The following TPCN1 variants were observed in gnomAD, a reference collection of about 807,000 sequenced individuals.
TPCN1 encodes two pore channel protein 1.
A neutral mutation model predicts 108.8 loss-of-function variants in TPCN1; 52 were observed. The ratio of observed to expected loss-of-function variants is 0.48; its 90% CI spans 0.38 to 0.60. The LOEUF (loss-of-function observed/expected upper bound fraction) is 0.60, where lower values mean the gene tolerates loss of function less well. TPCN1 is among the 20% of genes least tolerant of loss of function. The probability of loss-of-function intolerance (pLI) is 0.00; values close to 1 mark genes in which losing one functional copy is unlikely to be tolerated. For missense variants in TPCN1, 806 were observed against 1,072.8 expected (o/e 0.75, Z 3.47); for synonymous variants, 446 against 433.7 (o/e 1.03, Z -0.35).
intron 2 of TPCN1, among the ~76,000 whole-genome samples, chr12:113,240,068 G>C (rs1449858953): frequency 1.3e-5 from 2 of 152,060 alleles, no homozygotes; most frequent in Non-Finnish European, 2.9e-5. Context: ...TTCACACTTG[G>C]CTGGCCTGCC....
chr12:113,223,228 C>T (rs866508839), intron 1 of TPCN1, among the ~76,000 whole-genome samples: 20 of 152,310 alleles, frequency 1.3e-4, no homozygotes, highest in Middle Eastern at 6.8e-3. Context: ...CTTTCGCTGC[C>T]TTGTTTCAAA....
chr12:113,277,059 G>C, intron 11 of TPCN1, 24 bp downstream of exon 11: 1 of 1,605,280 alleles, frequency 6.2e-7, no homozygotes, highest in Non-Finnish European at 8.5e-7. Flanking sequence ...GCCAGGGAGG[G>C]GCTTGGTCCC....
At chr12:113,262,984 T>A (rs1955100871) in intron 3 of TPCN1, among the ~76,000 whole-genome samples, 1 of 152,220 alleles carries the variant, frequency 6.6e-6, no homozygotes, top group African/African-American at 2.4e-5. Context: ...ATGGGCCATG[T>A]ACTTGTGGGA....
At chr12:113,230,036 G>T (rs188350192) in intron 2 of TPCN1, among the ~76,000 whole-genome samples, 123 of 152,304 alleles carry the variant, frequency 8.1e-4, no homozygotes, top group East Asian at 1.3e-3. Flanking sequence ...TTGCTGGCAA[G>T]TCAGTCTAGA....
At position 113,273,788 on chromosome 12, in the gene TPCN1, A is replaced by T; in HGVS notation, c.942+120A>T. Reference sequence around the variant, plus strand: ...GCCTCTCAGGGCAGAACGTTGGGGCAGGAAGTCCCAGATTCATAGTCAGGT... The same window carrying T: ...GCCTCTCAGGGCAGAACGTTGGGGCTGGAAGTCCCAGATTCATAGTCAGGT... On this transcript the variant is annotated intron_variant, in intron 10 of 27. Transcript: ENST00000335509. This position sits in a 1 kb window ranked among gnomAD's most constrained non-coding sequence, Gnocchi z 4.0. 1 of 849,038 alleles carries T rather than the reference A, an allele frequency of 1.2e-6. No individual in the cohort carries two copies. The highest frequency in any genetic ancestry group is 2.0e-6 in the Non-Finnish European group (1 of 499,638). The allele number at this position is 849,038 out of a possible 1,614,324, so 52.6% of individuals were successfully genotyped here. A position where few individuals can be genotyped will look rare whatever the true frequency, so the allele number is the denominator to read the frequency against.
intron 7 of TPCN1, among the ~76,000 whole-genome samples, chr12:113,271,763 C>T (rs766590221): frequency 5.3e-5 from 8 of 152,230 alleles, no homozygotes; most frequent in Non-Finnish European, 8.8e-5. Flanking sequence ...TTCCCAAAGG[C>T]GCTTGCCTGG....
intron 2 of TPCN1, among the ~76,000 whole-genome samples, chr12:113,234,317 G>C (rs1432993131): frequency 2.0e-5 from 3 of 152,204 alleles, no homozygotes; most frequent in Non-Finnish European, 2.9e-5. Context: ...AGAAAATTTG[G>C]GCGGAAAATG....
At chr12:113,250,636 G>A (rs1449172017) in intron 2 of TPCN1, among the ~76,000 whole-genome samples, 1 of 152,226 alleles carries the variant, frequency 6.6e-6, no homozygotes, top group Non-Finnish European at 1.5e-5. Context: ...CAGGCCAGTT[G>A]TTGGTCTTAG....
In TPCN1 at chr12:113,296,220, C is replaced by A; in HGVS notation, c.*144C>A. The A allele has an allele frequency of 7.5e-7, 1 of 1,328,768 alleles. No individual in the cohort carries two copies. The highest frequency in any genetic ancestry group is 1.0e-6 in the Non-Finnish European group (1 of 995,596). The allele number at this position is 1,328,768 out of a possible 1,614,324, so 82.3% of individuals were successfully genotyped here. On this transcript the variant is annotated 3_prime_UTR_variant, in exon 28 of 28. Transcript: ENST00000335509. ...AAGAAAAAAGACAGACAAGATGGGG[C>A]TTGGTTTATAACCACCTTGCCCTGT...
intron 18 of TPCN1, among the ~76,000 whole-genome samples, chr12:113,286,288 C>T (rs1010470772): frequency 1.7e-4 from 26 of 152,200 alleles, no homozygotes; most frequent in African/African-American, 5.5e-4. Context: ...AGAATGCTCC[C>T]CCCCTTCCTT....
At chr12:113,293,717 C>A (rs12425388) in intron 27 of TPCN1, among the ~76,000 whole-genome samples, 2 of 152,248 alleles carry the variant, frequency 1.3e-5, no homozygotes, top group African/African-American at 4.8e-5. Flanking sequence ...GCAAGGATGT[C>A]CCTGTCCAAA....
At position 113,298,292 on chromosome 12, in the gene TPCN1, G is replaced by A. The variant is rs13367; in HGVS notation, c.*2216G>A. ...CTGTGAGCTCTGTGGGCCCTGGGAT[G>A]TGATCTAGCTCAGATGCCCTCTCAT... On this transcript the variant is annotated 3_prime_UTR_variant, in exon 28 of 28. Coordinates refer to ENST00000335509, the MANE Select transcript of TPCN1 (RefSeq NM_017901.6). 0.15 allele frequency: 22,871 copies of A among 152,306 alleles called. 2,394 individuals carry two copies. The highest frequency in any genetic ancestry group is 0.29 in the African/African-American group (12,058 of 41,512). 9.4% of individuals were successfully genotyped at this position (152,306 alleles called of 1,614,324 possible).
intron 15 of TPCN1, among the ~76,000 whole-genome samples, chr12:113,281,482 A>G (rs1257643033): frequency 6.6e-6 from 1 of 152,250 alleles, no homozygotes; most frequent in Non-Finnish European, 1.5e-5. Context: ...ACAATTGCAA[A>G]GCAATCCCAA....
chr12:113,271,407 G>T (rs1187722345), intron 7 of TPCN1, among the ~76,000 whole-genome samples: 1 of 152,128 alleles, frequency 6.6e-6, no homozygotes, highest in Non-Finnish European at 1.5e-5. Flanking sequence ...TTCCCCAAAG[G>T]TACCCCCTGT....
At chr12:113,257,873 G>C (rs1163100515) in intron 2 of TPCN1, among the ~76,000 whole-genome samples, 7 of 152,014 alleles carry the variant, frequency 4.6e-5, no homozygotes, top group Non-Finnish European at 8.8e-5. Flanking sequence ...TAATTATTCT[G>C]AGTGAAAGAA....
intron 2 of TPCN1, among the ~76,000 whole-genome samples, chr12:113,254,107 TAAAC>T (rs764072322): frequency 8.1e-4 from 123 of 152,324 alleles, no homozygotes; most frequent in Non-Finnish European, 1.4e-3. Context: ...TCTTGAAAGA[TAAAC>T]AAACCACCAA....
chr12:113,272,750 A>G lies in TPCN1; in HGVS notation c.783+58A>G. The G allele has an allele frequency of 2.6e-6, 4 of 1,559,220 alleles. No individual in the cohort carries two copies. The highest frequency in any genetic ancestry group is 3.5e-6 in the Non-Finnish European group (4 of 1,130,126). Reference sequence around the variant, plus strand: ...TTTATGGAGGGCTTTTCCCTCAGACAGGGTCACCGGCGTGACCCTGTGGCC... The same window carrying G: ...TTTATGGAGGGCTTTTCCCTCAGACGGGGTCACCGGCGTGACCCTGTGGCC... On this transcript the variant is annotated intron_variant, in intron 8 of 27. Transcript: ENST00000335509. The surrounding 1 kb of genome is among the most constrained non-coding windows in gnomAD (Gnocchi z 4.1).
chr12:113,266,380 G>T lies in TPCN1; in HGVS notation c.414+24G>T, dbSNP rs200953769. On this transcript the variant is annotated intron_variant, in intron 4 of 27. Coordinates refer to ENST00000335509, the MANE Select transcript of TPCN1 (RefSeq NM_017901.6). The surrounding 1 kb of genome is among the most constrained non-coding windows in gnomAD (Gnocchi z 4.2). Reference sequence around the variant, plus strand: ...ATGTGAGCGCACATGCTCCTCATACGGGGGGCTGGGAGCCACGGCTTTCAG... The same window carrying T: ...ATGTGAGCGCACATGCTCCTCATACTGGGGGCTGGGAGCCACGGCTTTCAG... 9.1e-5 allele frequency: 146 copies of T among 1,598,654 alleles called. No homozygotes were observed. The African/African-American group carries it at 1.6e-3, about 17-fold the overall frequency.
At chr12:113,241,020 G>A (rs142873518) in intron 2 of TPCN1, among the ~76,000 whole-genome samples, 32 of 152,288 alleles carry the variant, frequency 2.1e-4, no homozygotes, top group African/African-American at 5.5e-4. Context: ...TAAGTGCTGG[G>A]ATAACAGGCA....
Sources: gnomAD v4.1 joint callset for allele counts (sites outside exome capture counted in the v4.1 genomes callset) on GRCh38, gnomAD v4.1.1 for gene constraint, Gnocchi (gnomAD v3.1) non-coding constraint, MANE v1.5 for transcripts, NCBI Gene and HGNC (gene_info 2026-07-23, HGNC 2026-07-21) for gene names.